The following COL21A1 variants were observed in gnomAD, a reference collection of about 807,000 sequenced individuals.
The protein encoded by COL21A1 is collagen alpha-1(XXI) chain.
A neutral mutation model predicts 137.9 loss-of-function variants in COL21A1; 149 were observed. The observed-to-expected ratio is 1.08, with a 90% CI of 0.95 to 1.24. The LOEUF (loss-of-function observed/expected upper bound fraction) is 1.24, where lower values mean the gene tolerates loss of function less well. Ranked by LOEUF, COL21A1 falls within the 50% of genes most tolerant of loss-of-function variation. The probability of loss-of-function intolerance (pLI) is 0.00; values close to 1 mark genes in which losing one functional copy is unlikely to be tolerated. For synonymous variants in COL21A1, 456 were observed against 391.5 expected (o/e 1.16, Z -1.95); for missense variants, 1,167 against 1,158.4 (o/e 1.01, Z -0.11).
chr6:56,095,828 A>G (rs1769264323), intron 17 of COL21A1, among the ~76,000 whole-genome samples: 1 of 152,008 alleles, frequency 6.6e-6, no homozygotes, highest in African/African-American at 2.4e-5. Flanking sequence ...TGTGAATTAT[A>G]TCTCATAATA....
intron 18 of COL21A1, among the ~76,000 whole-genome samples, chr6:56,076,208 G>T (rs989065242): frequency 6.6e-6 from 1 of 151,366 alleles, no homozygotes; most frequent in African/African-American, 2.4e-5. Flanking sequence ...AAAGGAAGCA[G>T]GAATCTTCAA....
chr6:56,383,030 CCTTT>C (rs1467747483), intron 1 of COL21A1, among the ~76,000 whole-genome samples: 8 of 152,186 alleles, frequency 5.3e-5, no homozygotes, highest in African/African-American at 1.9e-4. Flanking sequence ...CAGAATTTCT[CCTTT>C]CTAACCACTG....
At chr6:56,248,442 A>G (rs1053291087), upstream of COL21A1, among the ~76,000 whole-genome samples, 3 of 152,162 alleles carry the variant, frequency 2.0e-5, no homozygotes, top group African/African-American at 4.8e-5. Flanking sequence ...TGTACATCCC[A>G]TCCAAATGGA....
At chr6:56,150,380 T>C (rs1337174009) in intron 10 of COL21A1, among the ~76,000 whole-genome samples, 1 of 151,970 alleles carries the variant, frequency 6.6e-6, no homozygotes, top group Non-Finnish European at 1.5e-5. Flanking sequence ...TAGCAGGGCG[T>C]GGTGGCGGGC....
intron 24 of COL21A1, 45 bp from the exon 25 acceptor site, chr6:56,061,726 G>T (rs974661899): frequency 2.3e-6 from 3 of 1,309,240 alleles, no homozygotes; most frequent in Non-Finnish European, 3.2e-6. Flanking sequence ...GCAAGCTACA[G>T]TACTGTAATG....
intron 1 of COL21A1, among the ~76,000 whole-genome samples, chr6:56,184,985 T>C (rs904049265): frequency 2.6e-5 from 4 of 152,088 alleles, no homozygotes; most frequent in Non-Finnish European, 5.9e-5. Flanking sequence ...TTCTAAATAA[T>C]CCATGAGTTT....
intron 1 of COL21A1, among the ~76,000 whole-genome samples, chr6:56,343,199 G>A (rs533332750): frequency 6.6e-6 from 1 of 152,130 alleles, no homozygotes; most frequent in South Asian, 2.1e-4. Flanking sequence ...AGAGACATGT[G>A]GGCCTTTTAG....
chr6:56,145,880 AT>A (rs1398523946), intron 10 of COL21A1, among the ~76,000 whole-genome samples: 1 of 151,988 alleles, frequency 6.6e-6, no homozygotes, highest in Admixed American at 6.6e-5. Context: ...AGGGAAAAAA[AT>A]ATTCTCACTG....
intron 1 of COL21A1, among the ~76,000 whole-genome samples, chr6:56,391,806 A>G (rs2094030218): frequency 6.6e-6 from 1 of 152,176 alleles, no homozygotes; most frequent in Admixed American, 6.5e-5. Flanking sequence ...ACATGGAACC[A>G]TGAAGAAATA....
chr6:56,227,783 A>G (rs190511271), intron 1 of COL21A1, among the ~76,000 whole-genome samples: 46 of 152,178 alleles, frequency 3.0e-4, no homozygotes, highest in African/African-American at 1.1e-3. Flanking sequence ...GATATCAAAT[A>G]TATAACTACA....
At chr6:56,084,566 G>A (rs889072936) in intron 17 of COL21A1, among the ~76,000 whole-genome samples, 2 of 151,868 alleles carry the variant, frequency 1.3e-5, no homozygotes, top group Non-Finnish European at 2.9e-5. Flanking sequence ...ATATATGTAA[G>A]AAGTGATAAA....
intron 1 of COL21A1, among the ~76,000 whole-genome samples, chr6:56,270,256 A>C (rs151225119): frequency 2.6e-5 from 4 of 152,370 alleles, no homozygotes; most frequent in Non-Finnish European, 4.4e-5. Flanking sequence ...AAAACGGAGC[A>C]GAGATTGCTA....
intron 1 of COL21A1, among the ~76,000 whole-genome samples, chr6:56,335,081 T>G (rs981107728): frequency 3.3e-5 from 5 of 152,052 alleles, no homozygotes; most frequent in African/African-American, 1.2e-4. Flanking sequence ...TTGGTTTTTT[T>G]TGGATAGACT....
chr6:56,101,065 T>C (rs1024492835), intron 17 of COL21A1, among the ~76,000 whole-genome samples: 36 of 152,200 alleles, frequency 2.4e-4, no homozygotes, highest in African/African-American at 8.2e-4. Flanking sequence ...AATGTAGATA[T>C]CTAGGATTCA....
intron 1 of COL21A1, among the ~76,000 whole-genome samples, chr6:56,256,445 A>T (rs1782974671): frequency 1.3e-5 from 2 of 152,214 alleles, no homozygotes; most frequent in Admixed American, 1.3e-4. Flanking sequence ...ACAGTTTCTT[A>T]ATTTTTAAAA....
chr6:56,164,548 A>G, intron 8 of COL21A1, 42 bp from the exon 9 acceptor site: 1 of 1,316,696 alleles, frequency 7.6e-7, no homozygotes, highest in South Asian at 1.3e-5. Flanking sequence ...GCATGGAAAG[A>G]CATATAAGTA....
At chr6:56,127,757 T>C (rs187189031) in intron 12 of COL21A1, among the ~76,000 whole-genome samples, 1 of 152,334 alleles carries the variant, frequency 6.6e-6, no homozygotes, top group Admixed American at 6.5e-5. Context: ...TTGTGTGTTT[T>C]TTGGAGCCTG....
intron 1 of COL21A1, among the ~76,000 whole-genome samples, chr6:56,349,281 C>T (rs139740005): frequency 6.6e-6 from 1 of 151,628 alleles, no homozygotes; most frequent in Admixed American, 6.6e-5. Flanking sequence ...AATGAAACCA[C>T]ATTTCTTTTA....
At chr6:56,306,425 C>T (rs1000404246) in intron 1 of COL21A1, among the ~76,000 whole-genome samples, 8 of 152,096 alleles carry the variant, frequency 5.3e-5, no homozygotes, top group Non-Finnish European at 1.2e-4. Flanking sequence ...AGGCTTTATT[C>T]ATTTCTTCTT....
Sources: gnomAD v4.1 joint callset for allele counts (sites outside exome capture counted in the v4.1 genomes callset) on GRCh38, gnomAD v4.1.1 for gene constraint, MANE v1.5 for transcripts, NCBI Gene and HGNC (gene_info 2026-07-23, HGNC 2026-07-21) for gene names.